Variants in BLTP3B observed in about 807,000 individuals in gnomAD.
BLTP3B encodes UHRF1 (ICBP90) binding protein 1-like.
At chr12:100,050,018 A>C in the BLTP3B span, 16 of 743,826 alleles carry the variant, frequency 2.2e-5, no homozygotes, top group Non-Finnish European at 2.5e-5. Context: ...TCCACACACT[A>C]TAGAAAAAAC....
At chr12:100,050,648 A>T in the BLTP3B span, among the ~76,000 whole-genome samples, 8 of 152,108 alleles carry the variant, frequency 5.3e-5, 1 homozygote, top group East Asian at 9.6e-4. Context: ...CCCCATATCT[A>T]CAAAAAAATT....
the BLTP3B span, among the ~76,000 whole-genome samples, chr12:100,074,461 T>G: frequency 6.6e-6 from 1 of 151,852 alleles, no homozygotes; most frequent in Non-Finnish European, 1.5e-5. Context: ...CAGCTGGGCG[T>G]GGTGGCACAC....
the BLTP3B span, among the ~76,000 whole-genome samples, chr12:100,134,533 C>G: frequency 6.6e-6 from 1 of 152,044 alleles, no homozygotes; most frequent in Non-Finnish European, 1.5e-5. Context: ...AGGAGAATCA[C>G]TTGAACCCAG....
At chr12:100,104,744 T>G in the BLTP3B span, among the ~76,000 whole-genome samples, 1 of 151,980 alleles carries the variant, frequency 6.6e-6, no homozygotes, top group Admixed American at 6.6e-5. Flanking sequence ...AAAAGGCTCT[T>G]AGATCTAATA....
the BLTP3B span, among the ~76,000 whole-genome samples, chr12:100,038,904 C>T: frequency 6.6e-6 from 1 of 152,138 alleles, no homozygotes; most frequent in Non-Finnish European, 1.5e-5. Flanking sequence ...GCCTTATCGA[C>T]CAAGTGAGGT....
At chr12:100,092,843 A>G in the BLTP3B span, 18 of 947,808 alleles carry the variant, frequency 1.9e-5, no homozygotes, top group African/African-American at 2.0e-4. Context: ...GTAATATTGC[A>G]AAATAGTCTC....
chr12:100,132,970 G>A, the BLTP3B span, among the ~76,000 whole-genome samples: 437 of 152,124 alleles, frequency 2.9e-3, 3 homozygotes, highest in African/African-American at 9.9e-3. Context: ...TAGGCCGGGC[G>A]TGGTGGCTCA....
At chr12:100,052,388 G>A in the BLTP3B span, among the ~76,000 whole-genome samples, 6 of 151,844 alleles carry the variant, frequency 4.0e-5, no homozygotes, top group Non-Finnish European at 8.8e-5. Flanking sequence ...AAGAATAATT[G>A]CAAGGAGAGC....
chr12:100,108,533 T>C, the BLTP3B span: 3 of 1,606,692 alleles, frequency 1.9e-6, no homozygotes, highest in East Asian at 4.5e-5. Context: ...TGTCAGGAGA[T>C]AAATTTTTGG....
At chr12:100,112,536 C>A in the BLTP3B span, among the ~76,000 whole-genome samples, 2 of 151,352 alleles carry the variant, frequency 1.3e-5, no homozygotes, top group Non-Finnish European at 2.9e-5. Context: ...TAATAGCTAA[C>A]AACAGCAATA....
At chr12:100,047,739 G>T in the BLTP3B span, 1 of 1,080,908 alleles carries the variant, frequency 9.3e-7, no homozygotes, top group Non-Finnish European at 1.4e-6. Flanking sequence ...AGCTGATATA[G>T]CGAGAAAACT....
the BLTP3B span, among the ~76,000 whole-genome samples, chr12:100,096,559 C>T: frequency 2.6e-5 from 4 of 151,964 alleles, no homozygotes; most frequent in African/African-American, 7.3e-5. Context: ...TGGCTCACAC[C>T]TATAATACCA....
the BLTP3B span, among the ~76,000 whole-genome samples, chr12:100,140,364 C>T: frequency 6.6e-6 from 1 of 151,462 alleles, no homozygotes; most frequent in African/African-American, 2.4e-5. Context: ...AAAAAATCCT[C>T]ATCACACTAT....
the BLTP3B span, among the ~76,000 whole-genome samples, chr12:100,138,585 T>A: frequency 6.6e-6 from 1 of 152,220 alleles, no homozygotes; most frequent in African/African-American, 2.4e-5. Flanking sequence ...CACTGCCAAA[T>A]GTCACCTCAA....
the BLTP3B span, among the ~76,000 whole-genome samples, chr12:100,077,204 T>C: frequency 6.6e-6 from 1 of 152,226 alleles, no homozygotes; most frequent in Non-Finnish European, 1.5e-5. Flanking sequence ...GTATATTTTC[T>C]ATGTTTGGTA....
At chr12:100,094,119 G>A in the BLTP3B span, among the ~76,000 whole-genome samples, 4 of 152,024 alleles carry the variant, frequency 2.6e-5, no homozygotes. Context: ...GGATTTGTTT[G>A]TTTTCCTTTT....
At chr12:100,046,905 G>T in the BLTP3B span, among the ~76,000 whole-genome samples, 1 of 152,022 alleles carries the variant, frequency 6.6e-6, no homozygotes, top group Non-Finnish European at 1.5e-5. Context: ...AGTATAAGTA[G>T]GAAATAAAGC....
chr12:100,068,314 G>C, the BLTP3B span, among the ~76,000 whole-genome samples: 1 of 152,160 alleles, frequency 6.6e-6, no homozygotes, highest in African/African-American at 2.4e-5. Context: ...AATGAAACTG[G>C]ATCTTCTTCT....
the BLTP3B span, chr12:100,084,334 T>G: frequency 1.1e-6 from 1 of 912,546 alleles, no homozygotes. Context: ...ATCTCTACAT[T>G]AAAAAGAAGA....
Sources: allele counts gnomAD v4.1 joint callset (sites outside exome capture counted in the v4.1 genomes callset), GRCh38; gene constraint gnomAD v4.1.1; transcripts MANE v1.5; gene names NCBI Gene and HGNC (gene_info 2026-07-23, HGNC 2026-07-21).